Variants in C17orf113 observed in about 807,000 individuals in gnomAD.
The protein encoded by C17orf113 is chromosome 17 open reading frame 113.
A neutral mutation model predicts 11.6 loss-of-function variants in C17orf113; 5 were observed. The ratio of observed to expected loss-of-function variants is 0.43; its 90% CI spans 0.23 to 0.91. C17orf113 has a LOEUF of 0.91. C17orf113 is among the 40% of genes least tolerant of loss of function. C17orf113 has a pLI of 0.26. For synonymous variants in C17orf113, 327 were observed against 390.6 expected, an observed-to-expected ratio of 0.84 and a Z score of 1.92; for missense variants, 714 against 841.3, an observed-to-expected ratio of 0.85 and a Z score of 1.87.
rs1233696105 is a variant in C17orf113, at chr17:42,039,827, C to G, written c.1906G>C (p.Gly636Arg). 13 of 1,231,960 alleles carry G rather than the reference C, an allele frequency of 1.1e-5. No homozygotes were observed. The highest frequency in any genetic ancestry group is 1.3e-5 in the Non-Finnish European group (13 of 988,036). 76.3% of individuals were successfully genotyped at this position (1,231,960 alleles called of 1,614,324 possible). The stretch of plus-strand genomic sequence containing the variant: ...ACTGCGATCTTCACCATGTGGCCCC[C>G]CCGGCCTTCCCCGGCCCCACTCTGC... ...WGQSGAGEGR[G>R]GHMVKIAVDG... Residue 636 changes from glycine (G) to arginine (R), a missense_variant, in exon 3 of 3, where the codon GGG (glycine) becomes CGG (arginine). By Grantham distance (125) the Gly-to-Arg change is moderately radical. Coordinates refer to ENST00000587304, the MANE Select transcript of C17orf113 (RefSeq NM_001358661.2).
chr17:42,050,011 C>T lies in C17orf113; in HGVS notation c.-188+546G>A, dbSNP rs1187894019. On this transcript the variant is annotated intron_variant, in intron 1 of 2. Coordinates refer to ENST00000587304, the MANE Select transcript of C17orf113 (RefSeq NM_001358661.2). The surrounding 1 kb of genome is among the most constrained non-coding windows in gnomAD (Gnocchi z 5.6). Reference sequence around the variant, plus strand: ...AAACAGGTCAAATTCCATTGACATTCTCCCCACCTCAACCTCAAGGAAACA... The same window carrying T: ...AAACAGGTCAAATTCCATTGACATTTTCCCCACCTCAACCTCAAGGAAACA... 3.9e-5 allele frequency among the ~76,000 whole-genome samples: 6 copies of T among 152,234 alleles called. No homozygotes were observed. The highest frequency in any genetic ancestry group is 8.8e-5 in the Non-Finnish European group (6 of 68,044).
chr17:42,041,769 C>T (rs1186845621), intron 2 of C17orf113, among the ~76,000 whole-genome samples: 1 of 152,114 alleles, frequency 6.6e-6, no homozygotes. Flanking sequence ...AGATCCAACT[C>T]CCCCACCTCC....
chr17:42,048,008 CTT>C (rs1555656793), intron 1 of C17orf113, among the ~76,000 whole-genome samples: 1 of 152,074 alleles, frequency 6.6e-6, no homozygotes, highest in African/African-American at 2.4e-5. Flanking sequence ...TTGGAATCCT[CTT>C]TTCTCTTGGC....
Position 42,039,995 on chromosome 17 carries a change from A to T in C17orf113, c.1738T>A (p.Cys580Ser). The T allele has an allele frequency of 8.1e-7, 1 of 1,231,002 alleles. No homozygotes were observed. Among genetic ancestry groups the T allele is most frequent in the Non-Finnish European group, 1.0e-6 (1 of 987,446 alleles). 76.3% of individuals were successfully genotyped at this position (1,231,002 alleles called of 1,614,324 possible). A position where few individuals can be genotyped will look rare whatever the true frequency, so the allele number is the denominator to read the frequency against. Reference protein sequence around the residue: ...GLGRLGPRALCTQLACAHSEL... With the variant: ...GLGRLGPRALSTQLACAHSEL... ...GAGTGCGCGCACGCCAGCTGGGTGC[A>T]CAGGGCCCGCGGGCCGAGCCGCCCA... The change falls in exon 3 of 3, where the codon TGC (cysteine) becomes AGC (serine). Residue 580 changes from cysteine to serine, a missense_variant. Physicochemically the swap from Cys to Ser is moderately radical, Grantham distance 112. Around this residue, in one of 3 missense-constraint regions of C17orf113, gnomAD observed 194 missense variants for 197.2 expected, o/e 0.98. Transcript: ENST00000587304.
Position 42,039,701 on chromosome 17 carries a change from A to T in C17orf113, c.*4T>A, listed in dbSNP as rs190878021. 8.2e-3 allele frequency: 10,148 copies of T among 1,232,450 alleles called. 65 individuals are homozygous for T. The highest frequency in any genetic ancestry group is 9.6e-3 in the Non-Finnish European group (9,461 of 988,230). 76.3% of individuals were successfully genotyped at this position (1,232,450 alleles called of 1,614,324 possible). A position where few individuals can be genotyped will look rare whatever the true frequency, so the allele number is the denominator to read the frequency against. On this transcript the variant is annotated 3_prime_UTR_variant, in exon 3 of 3. Coordinates refer to ENST00000587304, the MANE Select transcript of C17orf113 (RefSeq NM_001358661.2). Reference sequence around the variant, plus strand: ...CTGGATGGGCCGAGGGAAGGAGGCCACCCTCAGGTGAGCTGCGACCCCAGG... The same window carrying T: ...CTGGATGGGCCGAGGGAAGGAGGCCTCCCTCAGGTGAGCTGCGACCCCAGG...
chr17:42,044,307 CAAAAAAAAAAAA>C (rs57246793), intron 1 of C17orf113, among the ~76,000 whole-genome samples: 2 of 70,548 alleles, frequency 2.8e-5, no homozygotes, highest in African/African-American at 1.2e-4. Flanking sequence ...GACCCTGTCT[CAAAAAAAAAAAA>C]AAAAAAAAAA....
At position 42,038,470 on chromosome 17, in the gene C17orf113, G is replaced by C. The variant is rs1265184605; in HGVS notation, c.*1235C>G. On this transcript the variant is annotated 3_prime_UTR_variant, in exon 3 of 3. Transcript: ENST00000587304. The stretch of plus-strand genomic sequence containing the variant: ...GGAGGTAAATAAGCCAACATTCCTG[G>C]GTTGGGCCTCGACGCCAGTCCTTGG... 5.7e-6 allele frequency: 1 copy of C among 175,162 alleles called. No individual in the cohort carries two copies. The highest frequency in any genetic ancestry group is 1.2e-5 in the Non-Finnish European group (1 of 84,546). 10.9% of individuals were successfully genotyped at this position (175,162 alleles called of 1,614,324 possible).
Position 42,039,885 on chromosome 17 carries a change from C to A in C17orf113, c.1848G>T (p.Lys616Asn). The stretch of plus-strand genomic sequence containing the variant: ...ACCGCAGCTCCCGGCTGCGGCCGAC[C>A]TTGTCCAGCAGGCCAGCGCCCGCGG... ...ALPAGAGLLD[K>N]VGRSRELRWW... Residue 616 changes from lysine to asparagine, a missense_variant, in exon 3 of 3, where the codon AAG becomes AAT. Transcript: ENST00000587304. 8.1e-7 allele frequency: 1 copy of A among 1,231,552 alleles called. No individual in the cohort carries two copies. The highest frequency in any genetic ancestry group is 3.2e-5 in the East Asian group (1 of 31,702). 76.3% of individuals were successfully genotyped at this position (1,231,552 alleles called of 1,614,324 possible).
In C17orf113 at chr17:42,050,131, C is replaced by G. The variant is rs1555656971; in HGVS notation, c.-188+426G>C. On this transcript the variant is annotated intron_variant, in intron 1 of 2. Transcript: ENST00000587304. The surrounding 1 kb of genome is among the most constrained non-coding windows in gnomAD (Gnocchi z 5.6). ...CACTTGCTGCAGACACAGGTCTCCT[C>G]TCATTTCTCTCCACACCCTGACCAG... 6.6e-6 allele frequency among the ~76,000 whole-genome samples: 1 copy of G among 152,016 alleles called. No homozygotes were observed. Among genetic ancestry groups the G allele is most frequent in the African/African-American group, 2.4e-5 (1 of 41,452 alleles).
intron 1 of C17orf113, among the ~76,000 whole-genome samples, chr17:42,048,455 G>A (rs1421317002): frequency 6.6e-6 from 1 of 152,018 alleles, no homozygotes; most frequent in South Asian, 2.1e-4. Context: ...TGAGGCAGGA[G>A]GATCACTTGA....
rs1038558192 is a variant in C17orf113 at position 42,039,657 on chromosome 17, C to T, written c.*48G>A. ...ATGGTCAAGTCTAGGTTGGCCCTTACAGTGCCCAGGGCCCCAGGCTGGATG... is the reference window on the plus strand; with the variant it reads ...ATGGTCAAGTCTAGGTTGGCCCTTATAGTGCCCAGGGCCCCAGGCTGGATG... On this transcript the variant is annotated 3_prime_UTR_variant, in exon 3 of 3. Transcript: ENST00000587304. 4.9e-6 allele frequency: 6 copies of T among 1,227,822 alleles called. 1 individual carries two copies. Among genetic ancestry groups the T allele is most frequent in the East Asian group, 3.2e-5 (1 of 31,694 alleles). 76.1% of individuals were successfully genotyped at this position (1,227,822 alleles called of 1,614,324 possible). A position where few individuals can be genotyped will look rare whatever the true frequency, so the allele number is the denominator to read the frequency against.
rs898371881 is a variant in C17orf113, at chr17:42,040,403, C to T, written c.1330G>A (p.Gly444Ser). 3 of 1,231,908 alleles carry T rather than the reference C, an allele frequency of 2.4e-6. No individual in the cohort carries two copies. The South Asian group carries it at 1.2e-4, about 51-fold the overall frequency. The allele number at this position is 1,231,908 out of a possible 1,614,324, so 76.3% of individuals were successfully genotyped here. A position where few individuals can be genotyped will look rare whatever the true frequency, so the allele number is the denominator to read the frequency against. The change falls in exon 3 of 3, where the codon GGC (glycine) becomes AGC (serine). Residue 444 changes from glycine (G) to serine (S), a missense_variant. By Grantham distance (56) the Gly-to-Ser change is moderately conservative (BLOSUM62 0). This residue lies in a region of C17orf113 where 516 missense variants were observed against 626.6 expected (regional missense o/e 0.82). Coordinates refer to ENST00000587304, the MANE Select transcript of C17orf113 (RefSeq NM_001358661.2). ...CCCTGGAGGCGGGCCCCACCTGAGC[C>T]GCGCTGAGCTTGGAGGGAGGCCGCA... ...AAAASLQAQR[G>S]SGGARLQGFL...
rs542291030 is a variant in C17orf113, at chr17:42,039,574, G to A, written c.*131C>T. The stretch of plus-strand genomic sequence containing the variant: ...GGTTGGTGGGAAGCTCCAGAAGGGC[G>A]GGTGGATGGCCTCAGGCCCCTGGGA... On this transcript the variant is annotated 3_prime_UTR_variant, in exon 3 of 3. Transcript: ENST00000587304. 23 of 835,406 alleles carry A rather than the reference G, an allele frequency of 2.8e-5. No homozygotes were observed. Among genetic ancestry groups the A allele is most frequent in the African/African-American group, 8.8e-5 (5 of 56,824 alleles). 51.7% of individuals were successfully genotyped at this position (835,406 alleles called of 1,614,324 possible).
At chr17:42,047,455 G>A (rs553475486) in intron 1 of C17orf113, among the ~76,000 whole-genome samples, 37 of 152,218 alleles carry the variant, frequency 2.4e-4, no homozygotes, top group Non-Finnish European at 3.8e-4. Context: ...GATTACAGGC[G>A]CCTGGCCCAA....
In C17orf113 at chr17:42,040,359, T is replaced by C; in HGVS notation, c.1374A>G (p.Ala458=). The C allele has an allele frequency of 8.1e-7, 1 of 1,231,806 alleles. No homozygotes were observed. Among genetic ancestry groups the C allele is most frequent in the Non-Finnish European group, 1.0e-6 (1 of 987,894 alleles). The allele number at this position is 1,231,806 out of a possible 1,614,324, so 76.3% of individuals were successfully genotyped here. Residue 458 remains alanine, a synonymous_variant, in exon 3 of 3, where the codon GCA becomes GCG. Coordinates refer to ENST00000587304, the MANE Select transcript of C17orf113 (RefSeq NM_001358661.2). ...ARLQGFLQEL[A]SMDPDASSGR... ...CGCTGCTGGCGTCAGGGTCCATGGATGCCAGTTCCTGCAGGAAGCCCTGGA... is the reference window on the plus strand; with the variant it reads ...CGCTGCTGGCGTCAGGGTCCATGGACGCCAGTTCCTGCAGGAAGCCCTGGA...
intron 1 of C17orf113, among the ~76,000 whole-genome samples, chr17:42,048,955 AC>A (rs1471722767): frequency 1.3e-5 from 2 of 150,178 alleles, no homozygotes; most frequent in African/African-American, 4.9e-5. Flanking sequence ...AAAAAAAAAA[AC>A]AAAAATACTG....
At chr17:42,045,320 G>A (rs938707158) in intron 1 of C17orf113, among the ~76,000 whole-genome samples, 7 of 152,354 alleles carry the variant, frequency 4.6e-5, no homozygotes, top group Non-Finnish European at 8.8e-5. Context: ...CAAAGTGCTG[G>A]GATTACAGGC....
chr17:42,040,293 G>A lies in C17orf113; in HGVS notation c.1440C>T (p.Ser480=), dbSNP rs1567986591. The A allele has an allele frequency of 4.1e-6, 5 of 1,231,676 alleles. No homozygotes were observed. Among genetic ancestry groups the A allele is most frequent in the East Asian group, 6.3e-5 (2 of 31,696 alleles). The allele number at this position is 1,231,676 out of a possible 1,614,324, so 76.3% of individuals were successfully genotyped here. Reference sequence around the variant, plus strand: ...ACTCCAAGCCCCGGACCGCAGCCTCGGAGTAACCGAGCAGCTCCACGCCGC... The same window carrying A: ...ACTCCAAGCCCCGGACCGCAGCCTCAGAGTAACCGAGCAGCTCCACGCCGC... ...TYRGVELLGY[S]EAAVRGLEWL... is the part of the protein sequence containing the mutation. The change falls in exon 3 of 3, where the codon TCC becomes TCT. Residue 480 remains serine, a synonymous_variant. Coordinates refer to ENST00000587304, the MANE Select transcript of C17orf113 (RefSeq NM_001358661.2).
In C17orf113 at chr17:42,039,632, A is replaced by G. The variant is rs2052956257; in HGVS notation, c.*73T>C. On this transcript the variant is annotated 3_prime_UTR_variant, in exon 3 of 3. Coordinates refer to ENST00000587304, the MANE Select transcript of C17orf113 (RefSeq NM_001358661.2). ...GTCAGCAGATCATCTTGGGTGCAGC[A>G]TGGTCAAGTCTAGGTTGGCCCTTAC... is the stretch of plus-strand genomic sequence containing the variant. 1.0e-5 allele frequency: 12 copies of G among 1,198,524 alleles called. No homozygotes were observed. Among genetic ancestry groups the G allele is most frequent in the Non-Finnish European group, 1.3e-5 (12 of 957,556 alleles). 74.2% of individuals were successfully genotyped at this position (1,198,524 alleles called of 1,614,324 possible).
Sources: gnomAD v4.1 joint callset for allele counts (sites outside exome capture counted in the v4.1 genomes callset) on GRCh38, gnomAD v4.1.1 for gene constraint, gnomAD v4.1.1 regional missense constraint, Gnocchi (gnomAD v3.1) non-coding constraint, MANE v1.5 for transcripts, NCBI Gene and HGNC (gene_info 2026-07-23, HGNC 2026-07-21) for gene names.